The following ZNF248 variants were observed in gnomAD, a reference collection of about 807,000 sequenced individuals.
ZNF248 encodes the protein zinc finger protein 248, also known as KRAB protein domain.
A neutral mutation model predicts 44.3 loss-of-function variants in ZNF248; 20 were observed. That is an observed-to-expected ratio of 0.45 (90% CI 0.32 to 0.66). ZNF248 has a LOEUF of 0.66. ZNF248 is among the 30% of genes least tolerant of loss of function. The probability of loss-of-function intolerance (pLI) is 0.04; values close to 1 mark genes in which losing one functional copy is unlikely to be tolerated. For synonymous variants in ZNF248, 224 were observed against 229.0 expected (o/e 0.98, Z 0.20); for missense variants, 654 against 677.0 (o/e 0.97, Z 0.38).
At chr10:37,837,754 G>C (rs2057510429) in intron 4 of ZNF248, 42 bp from the exon 5 acceptor site, 8 of 1,567,348 alleles carry the variant, frequency 5.1e-6, no homozygotes, top group Non-Finnish European at 7.0e-6. Flanking sequence ...TAAATAGCTT[G>C]GTTTCAGGGG....
intron 2 of ZNF248, 28 bp downstream of exon 2, chr10:37,856,407 T>C (rs2061299005): frequency 6.3e-7 from 1 of 1,588,002 alleles, no homozygotes; most frequent in Non-Finnish European, 8.6e-7. Context: ...TTCACCTGCC[T>C]ATACAGGTCC....
rs35795208 is a variant in ZNF248, at chr10:37,790,105, C to CA, written c.331-13531dup. Among the ~76,000 whole-genome samples, 316 of 123,080 alleles carry CA rather than the reference C, an allele frequency of 2.6e-3. 3 individuals are homozygous for CA. The highest frequency in any genetic ancestry group is 7.3e-3 in the South Asian group (27 of 3,722). 80.7% of individuals were successfully genotyped at this position (123,080 alleles called of 152,430 possible). Reference sequence around the variant, plus strand: ...TGAAACCCCGTCTCTACTGAAAATACAAAAAAAAAAAAAAAATGAGACAGG... The same window carrying CA: ...TGAAACCCCGTCTCTACTGAAAATACAAAAAAAAAAAAAAAAATGAGACAGG... On this transcript the variant is annotated intron_variant, in intron 6 of 6. Transcript: ENST00000615949.
chr10:37,823,854 G>A (rs1055139084), downstream of ZNF248, among the ~76,000 whole-genome samples: 1 of 151,994 alleles, frequency 6.6e-6, no homozygotes, highest in Admixed American at 6.6e-5. Context: ...GATTACAGAC[G>A]TGAGCCACCA....
At chr10:37,771,989 G>A (rs998404705), downstream of ZNF248, among the ~76,000 whole-genome samples, 1 of 152,130 alleles carries the variant, frequency 6.6e-6, no homozygotes, top group Non-Finnish European at 1.5e-5. Flanking sequence ...AAAGGAGGCC[G>A]GCTGCAGTGG....
At chr10:37,836,771 T>TAC (rs72082671) in intron 5 of ZNF248, among the ~76,000 whole-genome samples, 497 of 148,484 alleles carry the variant, frequency 3.3e-3, no homozygotes, top group African/African-American at 6.4e-3. Flanking sequence ...CACAGACATG[T>TAC]ACACACACAC....
At chr10:37,845,013 CTT>C (rs1342714315) in intron 3 of ZNF248, among the ~76,000 whole-genome samples, 2 of 142,596 alleles carry the variant, frequency 1.4e-5, no homozygotes, top group East Asian at 2.2e-4. Flanking sequence ...CCTTCTCTCT[CTT>C]TCTTTCTTGT....
chr10:37,808,694 G>A (rs971805920), intron 6 of ZNF248, among the ~76,000 whole-genome samples: 1 of 152,108 alleles, frequency 6.6e-6, no homozygotes, highest in Non-Finnish European at 1.5e-5. Flanking sequence ...TTTTCATGTA[G>A]TATCTTTGTA....
At chr10:37,835,153 A>C (rs2056864548) in intron 5 of ZNF248, among the ~76,000 whole-genome samples, 1 of 149,642 alleles carries the variant, frequency 6.7e-6, no homozygotes, top group African/African-American at 2.4e-5. Context: ...AGAACCAACT[A>C]GGAATTAGAA....
In ZNF248 at chr10:37,818,998, A is replaced by G. The variant is rs1200466032; in HGVS notation, c.330+14027T>C. The G allele has an allele frequency of 3.1e-5, 29 of 940,474 alleles. 1 individual carries two copies. The highest frequency in any genetic ancestry group is 1.9e-4 in the Admixed American group (11 of 58,222). The allele number at this position is 940,474 out of a possible 1,614,324, so 58.3% of individuals were successfully genotyped here. A position where few individuals can be genotyped will look rare whatever the true frequency, so the allele number is the denominator to read the frequency against. On this transcript the variant is annotated intron_variant, in intron 6 of 6. Coordinates refer to the ZNF248 transcript ENST00000615949. Reference sequence around the variant, plus strand: ...CACAAAACTCTGGTGTTAAATTGCAATAAGTGCCAGCACCTTGTGATGTCA... The same window carrying G: ...CACAAAACTCTGGTGTTAAATTGCAGTAAGTGCCAGCACCTTGTGATGTCA...
At chr10:37,811,300 T>C (rs929906915) in intron 6 of ZNF248, among the ~76,000 whole-genome samples, 1 of 152,208 alleles carries the variant, frequency 6.6e-6, no homozygotes, top group African/African-American at 2.4e-5. Flanking sequence ...TTTGCACTTT[T>C]AGCAAAATAC....
intron 3 of ZNF248, among the ~76,000 whole-genome samples, chr10:37,846,440 C>T (rs903257611): frequency 6.6e-6 from 1 of 152,014 alleles, no homozygotes; most frequent in Admixed American, 6.6e-5. Flanking sequence ...TCGAGACCGG[C>T]TTGGTCAACA....
chr10:37,783,661 T>C (rs1482615753), intron 6 of ZNF248, among the ~76,000 whole-genome samples: 1 of 152,196 alleles, frequency 6.6e-6, no homozygotes, highest in African/African-American at 2.4e-5. Context: ...GGTGGTGTAA[T>C]GGAAAAATAC....
At chr10:37,768,014 CA>C in the ZNF248 span, among the ~76,000 whole-genome samples, 1 of 152,068 alleles carries the variant, frequency 6.6e-6, no homozygotes, top group Non-Finnish European at 1.5e-5. Flanking sequence ...CAACACAGAT[CA>C]AAAGAGACAA....
At chr10:37,835,207 T>C (rs746830098) in intron 5 of ZNF248, among the ~76,000 whole-genome samples, 11 of 152,072 alleles carry the variant, frequency 7.2e-5, no homozygotes, top group Non-Finnish European at 1.5e-4. Context: ...TGAGAACACA[T>C]AGTTTTGCTT....
the ZNF248 span, among the ~76,000 whole-genome samples, chr10:37,766,515 G>C: frequency 1.3e-5 from 2 of 152,156 alleles, no homozygotes; most frequent in African/African-American, 2.4e-5. Context: ...AGGCAAACAG[G>C]GTCTGGAGTG....
At chr10:37,781,747 A>G (rs1281401966) in intron 6 of ZNF248, among the ~76,000 whole-genome samples, 1 of 152,188 alleles carries the variant, frequency 6.6e-6, no homozygotes, top group Non-Finnish European at 1.5e-5. Flanking sequence ...AGGCACTGAC[A>G]TTTGTAGCTC....
chr10:37,805,757 CT>C (rs1230718583), intron 6 of ZNF248, among the ~76,000 whole-genome samples: 1 of 152,066 alleles, frequency 6.6e-6, no homozygotes, highest in Non-Finnish European at 1.5e-5. Context: ...TAATAATACT[CT>C]TTTTGCATCA....
At chr10:37,782,689 C>T (rs1468132951) in intron 6 of ZNF248, among the ~76,000 whole-genome samples, 1 of 151,972 alleles carries the variant, frequency 6.6e-6, no homozygotes, top group East Asian at 1.9e-4. Context: ...TGGGAGGACA[C>T]CATTTGATAT....
intron 6 of ZNF248, among the ~76,000 whole-genome samples, chr10:37,806,218 T>C (rs992277643): frequency 1.3e-5 from 2 of 152,220 alleles, no homozygotes; most frequent in Non-Finnish European, 2.9e-5. Context: ...TTTGGATATA[T>C]ACTCAGAAGT....
Sources: allele counts gnomAD v4.1 joint callset (sites outside exome capture counted in the v4.1 genomes callset), GRCh38; gene constraint gnomAD v4.1.1; transcripts MANE v1.5; gene names NCBI Gene and HGNC (gene_info 2026-07-23, HGNC 2026-07-21).